Variants in PHYHIPL observed in about 807,000 individuals in gnomAD.
The protein encoded by PHYHIPL is phytanoyl-CoA 2-hydroxylase interacting protein like.
Under a neutral mutation model 33.4 loss-of-function variants are expected in PHYHIPL, and 9 were observed. The observed-to-expected ratio is 0.27, with a 90% CI of 0.16 to 0.47. The LOEUF (loss-of-function observed/expected upper bound fraction) is 0.47. Among genes scored for constraint, PHYHIPL ranks in the 20% least tolerant of loss-of-function variants. The pLI is 0.99. For synonymous variants in PHYHIPL, 153 were observed against 154.1 expected, an observed-to-expected ratio of 0.99 and a Z score of 0.05; for missense variants, 365 against 460.7, an observed-to-expected ratio of 0.79 and a Z score of 1.90.
intron 1 of PHYHIPL, among the ~76,000 whole-genome samples, chr10:59,215,911 A>G (rs1027464196): frequency 6.6e-6 from 1 of 152,038 alleles, no homozygotes; most frequent in African/African-American, 2.4e-5. Context: ...TCCAAAATTT[A>G]TGGTTGCAGC....
At chr10:59,177,208 G>T in intron 1 of PHYHIPL, 1 of 579,150 alleles carries the variant, frequency 1.7e-6, no homozygotes, top group Non-Finnish European at 3.0e-6. Flanking sequence ...CGCCGCCTTC[G>T]CCCGCCTGGC....
At position 59,177,595 on chromosome 10, in the gene PHYHIPL, G is replaced by T; in HGVS notation, c.106+636G>T. ...TCGAAAATATTGGCCTAATATATGT[G>T]CTGTGATTCAGACTTTGTGGCGAGT... On this transcript the variant is annotated intron_variant, in intron 1 of 4. Transcript: ENST00000373880. The T allele has an allele frequency of 2.6e-6, 4 of 1,551,638 alleles. No individual in the cohort carries two copies. The South Asian group carries it at 3.6e-5, about 14-fold the overall frequency.
At chr10:59,190,410 G>A (rs1282642380) in intron 1 of PHYHIPL, among the ~76,000 whole-genome samples, 2 of 151,822 alleles carry the variant, frequency 1.3e-5, no homozygotes, top group Non-Finnish European at 3.0e-5. Flanking sequence ...TTGAGGGTAA[G>A]TGACAGAATC....
intron 1 of PHYHIPL, chr10:59,183,630 A>T (rs1838475544): frequency 1.0e-6 from 1 of 984,112 alleles, no homozygotes; most frequent in Non-Finnish European, 1.2e-6. Flanking sequence ...CAGGTTTGTT[A>T]CAAATGTAAC....
At position 59,245,495 on chromosome 10, in the gene PHYHIPL, G is replaced by A; in HGVS notation, c.1035G>A (p.Val345=). The A allele has an allele frequency of 1.2e-6, 2 of 1,614,108 alleles. No individual in the cohort carries two copies. Among genetic ancestry groups the A allele is most frequent in the South Asian group, 1.1e-5 (1 of 91,076 alleles). Residue 345 remains valine, a synonymous_variant, in exon 5 of 5, where the codon GTG becomes GTA. Transcript: ENST00000373880. ...CTGTGGATCTTTCTGTGGGCACCGT[G>A]GCAGAAATCACTGGTCATCAGCTCA... ...TDPVDLSVGT[V]AEITGHQLMS... is the part of the protein sequence containing the mutation.
At chr10:59,233,762 G>A (rs188775450) in intron 1 of PHYHIPL, among the ~76,000 whole-genome samples, 113 of 151,744 alleles carry the variant, frequency 7.4e-4, no homozygotes, top group Non-Finnish European at 1.4e-3. Flanking sequence ...ATTCATCAAG[G>A]TTCCACAGAT....
At chr10:59,182,613 C>A (rs1304982970) in intron 1 of PHYHIPL, among the ~76,000 whole-genome samples, 1 of 152,076 alleles carries the variant, frequency 6.6e-6, no homozygotes, top group African/African-American at 2.4e-5. Context: ...AGTGCTGGGA[C>A]AGTAGTTAAA....
At chr10:59,179,223 C>T (rs185279429) in intron 1 of PHYHIPL, among the ~76,000 whole-genome samples, 39 of 151,774 alleles carry the variant, frequency 2.6e-4, no homozygotes, top group Admixed American at 2.4e-3. Flanking sequence ...ACAGACCTTA[C>T]TTAGCATCAT....
intron 1 of PHYHIPL, among the ~76,000 whole-genome samples, chr10:59,180,093 A>T (rs552417811): frequency 6.6e-6 from 1 of 151,850 alleles, no homozygotes; most frequent in South Asian, 2.1e-4. Context: ...CTTTTCAAAT[A>T]AAATGAAAGA....
chr10:59,205,277 C>G (rs1839254511), intron 1 of PHYHIPL, among the ~76,000 whole-genome samples: 1 of 152,152 alleles, frequency 6.6e-6, no homozygotes, highest in Non-Finnish European at 1.5e-5. Flanking sequence ...AGCTTTTTCT[C>G]ATGTGACATT....
At chr10:59,184,775 T>C (rs1838520656) in intron 1 of PHYHIPL, among the ~76,000 whole-genome samples, 1 of 151,968 alleles carries the variant, frequency 6.6e-6, no homozygotes, top group East Asian at 1.9e-4. Flanking sequence ...ATTAGGTATA[T>C]TTCTTAATGC....
At chr10:59,186,378 A>G (rs1449600513) in intron 1 of PHYHIPL, among the ~76,000 whole-genome samples, 1 of 152,088 alleles carries the variant, frequency 6.6e-6, no homozygotes. Context: ...GCCTTGTAGT[A>G]TAGTTTGAAG....
chr10:59,239,587 C>G (rs1840330622), intron 4 of PHYHIPL, among the ~76,000 whole-genome samples: 1 of 151,980 alleles, frequency 6.6e-6, no homozygotes, highest in Admixed American at 6.6e-5. Flanking sequence ...CTTTTAAATT[C>G]TAGTGATTTT....
At position 59,234,382 on chromosome 10, in the gene PHYHIPL, C is replaced by T. The variant is rs1324377603; in HGVS notation, c.185C>T (p.Thr62Met). ...CATAACATCAAAATAAGCAATATAA[C>T]GTGTGACTCATTCAAGATTTCATGG... The part of the protein sequence containing the change: ...VPHNIKISNI[T>M]CDSFKISWEM... The change falls in exon 2 of 5, where the codon ACG becomes ATG. Residue 62 changes from threonine (T) to methionine (M), a missense_variant. This residue lies in a region of PHYHIPL where 63 missense variants were observed against 119.3 expected (regional missense o/e 0.53). Coordinates refer to ENST00000373880, the MANE Select transcript of PHYHIPL (RefSeq NM_032439.4). 5.0e-6 allele frequency: 8 copies of T among 1,602,992 alleles called. No individual in the cohort carries two copies. The highest frequency in any genetic ancestry group is 3.4e-5 in the South Asian group (3 of 89,464).
intron 1 of PHYHIPL, among the ~76,000 whole-genome samples, chr10:59,206,412 C>A (rs567077586): frequency 1.3e-5 from 2 of 152,174 alleles, no homozygotes; most frequent in Non-Finnish European, 2.9e-5. Context: ...TTGGAGTTCT[C>A]GTGATTGGCA....
chr10:59,181,470 C>T (rs1414763692), intron 1 of PHYHIPL, among the ~76,000 whole-genome samples: 2 of 152,098 alleles, frequency 1.3e-5, no homozygotes, highest in Non-Finnish European at 2.9e-5. Context: ...CACCTTAGCC[C>T]TAAAAATTGT....
chr10:59,201,722 C>T (rs2133219511), intron 1 of PHYHIPL, among the ~76,000 whole-genome samples: 1 of 152,066 alleles, frequency 6.6e-6, no homozygotes, highest in South Asian at 2.1e-4. Flanking sequence ...TAGTTTCAGC[C>T]ATTGAATAAT....
At chr10:59,190,122 C>T (rs370241056) in intron 1 of PHYHIPL, among the ~76,000 whole-genome samples, 15 of 152,018 alleles carry the variant, frequency 9.9e-5, no homozygotes, top group East Asian at 7.7e-4. Flanking sequence ...CAGCATTTTT[C>T]AAATAGTCAA....
chr10:59,196,376 T>G (rs981481692), intron 1 of PHYHIPL, among the ~76,000 whole-genome samples: 25 of 150,896 alleles, frequency 1.7e-4, no homozygotes, highest in African/African-American at 6.1e-4. Flanking sequence ...TATGTATAAT[T>G]TATAAAGAAA....
Sources: gnomAD v4.1 joint callset for allele counts (sites outside exome capture counted in the v4.1 genomes callset) on GRCh38, gnomAD v4.1.1 for gene constraint, gnomAD v4.1.1 regional missense constraint, MANE v1.5 for transcripts, NCBI Gene and HGNC (gene_info 2026-07-23, HGNC 2026-07-21) for gene names.